Variants in UEVLD observed in about 807,000 individuals in gnomAD.
The protein encoded by UEVLD is ubiquitin-conjugating enzyme E2 variant 3.
In UEVLD, 47 loss-of-function variants were observed where a neutral mutation model predicts 58.6. That is an observed-to-expected ratio of 0.80 (90% CI 0.63 to 1.02). UEVLD has a LOEUF of 1.02. Among genes scored for constraint, UEVLD ranks in the 50% least tolerant of loss-of-function variants. UEVLD has a pLI of 0.00. For synonymous variants in UEVLD, 197 were observed against 195.3 expected, an observed-to-expected ratio of 1.01 and a Z score of -0.07; for missense variants, 510 against 550.6, an observed-to-expected ratio of 0.93 and a Z score of 0.74.
rs117868106 is a variant in UEVLD, at chr11:18,546,525, T to A, written c.886+355A>T. On this transcript the variant is annotated intron_variant, in intron 8 of 11. Coordinates refer to ENST00000396197, the MANE Select transcript of UEVLD (RefSeq NM_001040697.4). Reference sequence around the variant, plus strand: ...TTTTTGTTTTTTTTTTTTGAGAGAGTCTCACTCTGTCGGCCAGACTGGGGT... The same window carrying A: ...TTTTTGTTTTTTTTTTTTGAGAGAGACTCACTCTGTCGGCCAGACTGGGGT... 6.4e-4 allele frequency among the ~76,000 whole-genome samples: 96 copies of A among 149,800 alleles called. No homozygotes were observed. In the East Asian group the frequency reaches 0.019, roughly 29 times the overall value.
chr11:18,565,084 AT>A, intron 5 of UEVLD, 74 bp from the exon 6 acceptor site: 1 of 1,099,438 alleles, frequency 9.1e-7, no homozygotes. Flanking sequence ...AAAAAAATAT[AT>A]AGCAGGCTTC....
rs538052867 is a variant in UEVLD at position 18,570,472 on chromosome 11, G to C, written c.194-95C>G. ...CATTTTAAGAAATGAGTAGGCTGGG[G>C]TGGTGGCTGAAGCCTGTAATCCCAG... is the stretch of plus-strand genomic sequence containing the variant. On this transcript the variant is annotated intron_variant, in intron 3 of 11. Coordinates refer to ENST00000396197, the MANE Select transcript of UEVLD (RefSeq NM_001040697.4). The C allele has an allele frequency of 4.1e-6, 5 of 1,216,288 alleles. No individual in the cohort carries two copies. In the East Asian group the frequency reaches 1.5e-4, roughly 37 times the overall value. 75.3% of individuals were successfully genotyped at this position (1,216,288 alleles called of 1,614,324 possible).
intron 6 of UEVLD, chr11:18,563,574 G>A: frequency 1.4e-6 from 1 of 718,444 alleles, no homozygotes; most frequent in Non-Finnish European, 1.7e-6. Flanking sequence ...CTGTGCAACA[G>A]AACATGACCC....
chr11:18,570,036 T>A, intron 4 of UEVLD, 178 bp downstream of exon 4: 1 of 587,816 alleles, frequency 1.7e-6, no homozygotes, highest in South Asian at 2.5e-5. Flanking sequence ...GCAGTTGTCA[T>A]CAGGGTTCTG....
intron 1 of UEVLD, among the ~76,000 whole-genome samples, chr11:18,586,805 C>A (rs932773005): frequency 6.6e-6 from 1 of 152,122 alleles, no homozygotes; most frequent in African/African-American, 2.4e-5. Context: ...ATACAGCCAA[C>A]AAATACTTAT....
At chr11:18,538,280 C>CTT (rs757843063) in intron 9 of UEVLD, among the ~76,000 whole-genome samples, 2 of 141,028 alleles carry the variant, frequency 1.4e-5, no homozygotes, top group African/African-American at 2.6e-5. Flanking sequence ...TGCACATATT[C>CTT]TTTTTTTTTT....
intron 4 of UEVLD, among the ~76,000 whole-genome samples, chr11:18,568,017 T>C (rs1442876601): frequency 6.6e-6 from 1 of 152,054 alleles, no homozygotes; most frequent in Non-Finnish European, 1.5e-5. Flanking sequence ...TGGTAGACCA[T>C]GCTTGTAGTC....
intron 7 of UEVLD, among the ~76,000 whole-genome samples, chr11:18,556,618 G>C (rs1851766531): frequency 6.6e-6 from 1 of 152,082 alleles, no homozygotes; most frequent in African/African-American, 2.4e-5. Context: ...CCCATAACTT[G>C]GTAGAAAGGC....
In UEVLD at chr11:18,544,699, A is replaced by G. The variant is rs538600422; in HGVS notation, c.984T>C (p.Tyr328=). 17 of 1,588,234 alleles carry G rather than the reference A, an allele frequency of 1.1e-5. No homozygotes were observed. In the South Asian group the frequency reaches 1.7e-4, roughly 16 times the overall value. ...GCNLDSQRLQ[Y]IITNVLKAQT... ...GTGCCTTCAAAACATTTGTAATAAT[A>G]TACTGTAATCTCTGTGAATCCAGAT... The change falls in exon 9 of 12, where the codon TAT becomes TAC. Residue 328 remains tyrosine, a synonymous_variant. Transcript: ENST00000396197.
intron 6 of UEVLD, among the ~76,000 whole-genome samples, chr11:18,559,970 A>G (rs776087558): frequency 3.3e-5 from 5 of 151,432 alleles, no homozygotes; most frequent in Non-Finnish European, 7.4e-5. Context: ...AAAGAAAACA[A>G]CCCTGGCTGG....
chr11:18,544,275 A>G (rs1184338744), intron 9 of UEVLD, among the ~76,000 whole-genome samples: 1 of 152,192 alleles, frequency 6.6e-6, no homozygotes, highest in African/African-American at 2.4e-5. Flanking sequence ...TGTGAATGCC[A>G]TGACCACTGG....
intron 7 of UEVLD, among the ~76,000 whole-genome samples, chr11:18,551,930 A>G (rs1370701966): frequency 1.3e-5 from 2 of 152,238 alleles, no homozygotes; most frequent in Non-Finnish European, 2.9e-5. Flanking sequence ...GATGAATGAA[A>G]TATGAACTCA....
intron 8 of UEVLD, among the ~76,000 whole-genome samples, chr11:18,545,070 C>CTATATATA (rs1554976327): frequency 9.7e-6 from 1 of 103,470 alleles, no homozygotes; most frequent in Non-Finnish European, 2.1e-5. Context: ...ATATCTATAT[C>CTATATATA]TATATTTTTT....
intron 7 of UEVLD, among the ~76,000 whole-genome samples, chr11:18,552,775 C>T (rs140490672): frequency 4.3e-4 from 66 of 151,918 alleles, no homozygotes; most frequent in African/African-American, 1.1e-3. Flanking sequence ...GCAAGAGAAT[C>T]GCTTGAACCC....
chr11:18,587,773 A>C (rs1431130910), intron 1 of UEVLD: 1 of 151,822 alleles, frequency 6.6e-6, no homozygotes. Context: ...ACTGCACTCC[A>C]GCCTGGGGGA....
chr11:18,555,025 C>G (rs2133996393), intron 7 of UEVLD, among the ~76,000 whole-genome samples: 1 of 152,150 alleles, frequency 6.6e-6, no homozygotes, highest in East Asian at 1.9e-4. Context: ...TGCAGTGGCT[C>G]ATGCCTGTAA....
chr11:18,586,009 T>C (rs1465813499), intron 1 of UEVLD, among the ~76,000 whole-genome samples: 1 of 152,202 alleles, frequency 6.6e-6, no homozygotes, highest in East Asian at 1.9e-4. Flanking sequence ...AATTTTAGAA[T>C]CAGTTTGAAG....
intron 9 of UEVLD, among the ~76,000 whole-genome samples, chr11:18,544,191 C>G (rs1851183876): frequency 6.6e-6 from 1 of 152,122 alleles, no homozygotes; most frequent in South Asian, 2.1e-4. Context: ...CAATATAGGG[C>G]CTGTTATACA....
chr11:18,570,208 T>C lies in UEVLD; in HGVS notation c.357+6A>G, dbSNP rs1241043265. ...GCTTTCTGTAGAAAATCCAAATTGATCTTACATGGCTCCAGTTTTGGAGAT... is the reference window on the plus strand; with the variant it reads ...GCTTTCTGTAGAAAATCCAAATTGACCTTACATGGCTCCAGTTTTGGAGAT... On this transcript the variant is annotated splice_donor_region_variant and intron_variant, in intron 4 of 11. Coordinates refer to ENST00000396197, the MANE Select transcript of UEVLD (RefSeq NM_001040697.4). 4.4e-6 allele frequency: 7 copies of C among 1,577,384 alleles called. No homozygotes were observed. The highest frequency in any genetic ancestry group is 4.6e-5 in the East Asian group (2 of 43,086).
Sources: allele counts gnomAD v4.1 joint callset (sites outside exome capture counted in the v4.1 genomes callset), GRCh38; gene constraint gnomAD v4.1.1; transcripts MANE v1.5; gene names NCBI Gene and HGNC (gene_info 2026-07-23, HGNC 2026-07-21).